The following ALG6 variants were observed in gnomAD, a reference collection of about 807,000 sequenced individuals.
ALG6 encodes ALG6 alpha-1,3-glucosyltransferase.
ALG6 carries 46 observed loss-of-function variants against 66.6 expected under a neutral mutation model. The ratio of observed to expected loss-of-function variants is 0.69; its 90% confidence interval spans 0.55 to 0.88. The LOEUF is 0.88. Ranked by LOEUF, ALG6 falls within the 40% of genes least tolerant of loss-of-function variation. The pLI is 0.00. For synonymous variants in ALG6, 185 were observed against 203.7 expected (o/e 0.91, Z 0.78); for missense variants, 505 against 586.8 (o/e 0.86, Z 1.44).
chr1:63,396,675 C>G (rs1648834714), intron 3 of ALG6, 78 bp downstream of exon 3: 2 of 1,255,590 alleles, frequency 1.6e-6, no homozygotes, highest in Non-Finnish European at 2.3e-6. Flanking sequence ...GGACAACACG[C>G]TATTTTCTTC....
intron 2 of ALG6, among the ~76,000 whole-genome samples, chr1:63,393,687 G>A (rs1251026774): frequency 6.6e-6 from 1 of 152,184 alleles, no homozygotes; most frequent in African/African-American, 2.4e-5. Context: ...GTTTTTGGGT[G>A]AGAACTCATA....
intron 12 of ALG6, among the ~76,000 whole-genome samples, chr1:63,421,995 G>A (rs769644689): frequency 3.7e-4 from 53 of 144,016 alleles, no homozygotes; most frequent in Non-Finnish European, 6.6e-4. Context: ...TTCTGCACAT[G>A]TATCCCAGAA....
At position 63,370,770 on chromosome 1, in the gene ALG6, G is replaced by A; in HGVS notation, c.-207-1G>A. On this transcript the variant is annotated splice_acceptor_variant, in intron 1 of 14. Coordinates refer to ENST00000263440, the MANE Select transcript of ALG6 (RefSeq NM_013339.4). LOFTEE classifies it low-confidence loss of function (5UTR_SPLICE). The stretch of plus-strand genomic sequence containing the variant: ...CTTGATATCTTTTTTTTTCCCCTTA[G>A]GATACTTCTACATAGACATAATCAA... 1 of 588,296 alleles carries A rather than the reference G, an allele frequency of 1.7e-6. No individual in the cohort carries two copies. The highest frequency in any genetic ancestry group is 2.9e-5 in the East Asian group (1 of 34,222). The allele number at this position is 588,296 out of a possible 1,614,324, so 36.4% of individuals were successfully genotyped here.
chr1:63,401,946 A>G (rs531749856), intron 3 of ALG6, among the ~76,000 whole-genome samples: 1 of 147,034 alleles, frequency 6.8e-6, no homozygotes, highest in Non-Finnish European at 1.6e-5. Flanking sequence ...AGAGCCTTGC[A>G]CGTAACGAGG....
intron 3 of ALG6, among the ~76,000 whole-genome samples, chr1:63,397,930 A>G (rs926225805): frequency 6.6e-6 from 1 of 152,256 alleles, no homozygotes; most frequent in Non-Finnish European, 1.5e-5. Context: ...CACTTAGGCC[A>G]GTCCCTAGCA....
Position 63,391,046 on chromosome 1 carries a change from T to C in ALG6, c.83-5467T>C, listed in dbSNP as rs573768368. The stretch of plus-strand genomic sequence containing the variant: ...TTGGTGTTCCTGCCAGGGGGACAGT[T>C]GCTGGAGGGTTCTATTTGGCCATCC... On this transcript the variant is annotated intron_variant, in intron 2 of 14. Coordinates refer to ENST00000263440, the MANE Select transcript of ALG6 (RefSeq NM_013339.4). Among the ~76,000 whole-genome samples, 81 of 152,316 alleles carry C rather than the reference T, an allele frequency of 5.3e-4. 1 individual carries two copies. The highest frequency in any genetic ancestry group is 1.9e-3 in the African/African-American group (77 of 41,568).
chr1:63,402,209 A>C, intron 3 of ALG6, 45 bp from the exon 4 acceptor site: 1 of 1,146,174 alleles, frequency 8.7e-7, no homozygotes, highest in Non-Finnish European at 1.3e-6. Context: ...TACTTCTTGA[A>C]TATTGATTAA....
intron 6 of ALG6, among the ~76,000 whole-genome samples, chr1:63,406,834 T>A (rs987865546): frequency 5.3e-5 from 8 of 152,088 alleles, no homozygotes; most frequent in Non-Finnish European, 1.0e-4. Flanking sequence ...TGACAAAACC[T>A]TTTAGTGGTT....
At chr1:63,404,357 A>G (rs375217043) in intron 4 of ALG6, 96 bp from the exon 5 acceptor site, 9 of 1,026,968 alleles carry the variant, frequency 8.8e-6, no homozygotes, top group Admixed American at 1.7e-5. Flanking sequence ...GAAATGGCCA[A>G]TTCTCAAAAT....
At position 63,392,451 on chromosome 1, in the gene ALG6, A is replaced by G. The variant is rs184744881; in HGVS notation, c.83-4062A>G. On this transcript the variant is annotated intron_variant, in intron 2 of 14. Coordinates refer to ENST00000263440, the MANE Select transcript of ALG6 (RefSeq NM_013339.4). ...CTCCCAAAGTGCTGTGATTACAGAC[A>G]TAAGCCACCACACCCTGCCAAAAGG... Among the ~76,000 whole-genome samples the G allele has an allele frequency of 3.9e-3, 601 of 152,276 alleles. 5 individuals carry two copies. The highest frequency in any genetic ancestry group is 0.013 in the African/African-American group (549 of 41,554).
intron 2 of ALG6, among the ~76,000 whole-genome samples, chr1:63,379,105 C>A (rs1648222703): frequency 6.6e-6 from 1 of 151,868 alleles, no homozygotes; most frequent in South Asian, 2.1e-4. Context: ...TTCTCCTGAC[C>A]CTTGCTCATG....
chr1:63,387,532 CTTTTTTTTTTT>C (rs760731397), intron 2 of ALG6, among the ~76,000 whole-genome samples: 7 of 59,476 alleles, frequency 1.2e-4, no homozygotes, highest in Admixed American at 5.5e-4. Context: ...TTGTCTTTCT[CTTTTTTTTTTT>C]TTTTTTTTTT....
chr1:63,393,225 G>C (rs948420215), intron 2 of ALG6, among the ~76,000 whole-genome samples: 3 of 152,054 alleles, frequency 2.0e-5, no homozygotes, highest in East Asian at 3.9e-4. Flanking sequence ...CCCCAATCCC[G>C]CCACCCAGCC....
At chr1:63,383,179 G>C (rs894527818) in intron 2 of ALG6, among the ~76,000 whole-genome samples, 1 of 151,900 alleles carries the variant, frequency 6.6e-6, no homozygotes, top group Admixed American at 6.6e-5. Context: ...CTGGAGTGCA[G>C]TTGTGAAATC....
intron 4 of ALG6, among the ~76,000 whole-genome samples, chr1:63,403,825 A>G (rs1334270712): frequency 1.3e-5 from 2 of 152,218 alleles, no homozygotes; most frequent in African/African-American, 4.8e-5. Flanking sequence ...GCGTAAAAAT[A>G]TGGTAGTACA....
intron 2 of ALG6, among the ~76,000 whole-genome samples, chr1:63,382,438 A>T (rs955893921): frequency 6.6e-6 from 1 of 151,484 alleles, no homozygotes; most frequent in African/African-American, 2.4e-5. Flanking sequence ...CCTGACTTCA[A>T]GTGATCTGCC....
chr1:63,388,922 A>C (rs548673705), intron 2 of ALG6, among the ~76,000 whole-genome samples: 1 of 151,888 alleles, frequency 6.6e-6, no homozygotes, highest in African/African-American at 2.4e-5. Context: ...GTGGCTTTCT[A>C]CTGAGAAGTC....
At chr1:63,407,824 A>G (rs371076907) in intron 7 of ALG6, among the ~76,000 whole-genome samples, 1 of 152,152 alleles carries the variant, frequency 6.6e-6, no homozygotes, top group South Asian at 2.1e-4. Flanking sequence ...TAATAGGTAT[A>G]TCTGTCAAAG....
chr1:63,436,715 C>A, intron 14 of ALG6, 108 bp from the exon 15 acceptor site: 2 of 1,106,284 alleles, frequency 1.8e-6, no homozygotes, highest in Non-Finnish European at 2.7e-6. Context: ...AAATTAGACC[C>A]TCAACCCTCA....
Sources: allele counts gnomAD v4.1 joint callset (sites outside exome capture counted in the v4.1 genomes callset), GRCh38; gene constraint gnomAD v4.1.1; transcripts MANE v1.5; gene names NCBI Gene and HGNC (gene_info 2026-07-23, HGNC 2026-07-21).